The following WAPL variants were observed in gnomAD, a reference collection of about 807,000 sequenced individuals.
The protein encoded by WAPL is wings apart-like protein homolog.
Under a neutral mutation model 121.0 loss-of-function variants are expected in WAPL, and 5 were observed. The ratio of observed to expected loss-of-function variants is 0.04; its 90% CI spans 0.02 to 0.09. WAPL has a LOEUF of 0.09. Among genes scored for constraint, WAPL ranks in the 10% least tolerant of loss-of-function variants. The probability of loss-of-function intolerance (pLI) is 1.00; values close to 1 mark genes in which losing one functional copy is unlikely to be tolerated. For missense variants in WAPL, 999 were observed against 1,410.8 expected, an observed-to-expected ratio of 0.71 and a Z score of 4.68; for synonymous variants, 480 against 481.5, an observed-to-expected ratio of 1.00 and a Z score of 0.04.
At chr10:86,502,543 T>C (rs1842265919) in intron 2 of WAPL, among the ~76,000 whole-genome samples, 1 of 152,198 alleles carries the variant, frequency 6.6e-6, no homozygotes, top group African/African-American at 2.4e-5. Flanking sequence ...TTGTTGAAGA[T>C]TAAACAGTTG....
At chr10:86,502,455 T>A (rs1299138701) in intron 2 of WAPL, among the ~76,000 whole-genome samples, 1 of 152,198 alleles carries the variant, frequency 6.6e-6, no homozygotes, top group Non-Finnish European at 1.5e-5. Context: ...GTTAAAAAAA[T>A]ATATTTATGA....
intron 9 of WAPL, among the ~76,000 whole-genome samples, chr10:86,464,417 A>C (rs540637993): frequency 9.8e-5 from 15 of 152,380 alleles, no homozygotes; most frequent in Middle Eastern, 3.4e-3. Flanking sequence ...TAAATGTTGA[A>C]TATAGAAGAC....
chr10:86,470,313 C>A (rs1460243081), intron 8 of WAPL, among the ~76,000 whole-genome samples: 1 of 152,148 alleles, frequency 6.6e-6, no homozygotes, highest in African/African-American at 2.4e-5. Flanking sequence ...GGATTACAGG[C>A]ATGAGCCACC....
At chr10:86,453,190 C>A in intron 14 of WAPL, 30 bp downstream of exon 14, 1 of 1,577,934 alleles carries the variant, frequency 6.3e-7, no homozygotes, top group East Asian at 2.3e-5. Context: ...AGATATGATA[C>A]TCATTTCTGA....
chr10:86,496,381 G>A (rs568339498), intron 4 of WAPL, among the ~76,000 whole-genome samples: 1 of 152,198 alleles, frequency 6.6e-6, no homozygotes, highest in Admixed American at 6.5e-5. Flanking sequence ...GAACAGTTTG[G>A]CAGTTCCTCA....
chr10:86,462,537 T>C (rs1030477475), intron 9 of WAPL, among the ~76,000 whole-genome samples: 8 of 151,952 alleles, frequency 5.3e-5, no homozygotes, highest in African/African-American at 1.7e-4. Flanking sequence ...CTGGCCAACA[T>C]GGTAAAACCC....
intron 16 of WAPL, among the ~76,000 whole-genome samples, chr10:86,445,492 T>C (rs1284395836): frequency 6.6e-6 from 1 of 151,890 alleles, no homozygotes; most frequent in Non-Finnish European, 1.5e-5. Context: ...AGATACTCAA[T>C]AATGTATGAT....
At chr10:86,493,217 T>C (rs1490246954) in intron 4 of WAPL, among the ~76,000 whole-genome samples, 3 of 152,070 alleles carry the variant, frequency 2.0e-5, no homozygotes, top group South Asian at 2.1e-4. Flanking sequence ...GATTATCAGA[T>C]TATATCAAAG....
chr10:86,497,085 T>C lies in WAPL; in HGVS notation c.1644+116A>G. 10 of 860,594 alleles carry C rather than the reference T, an allele frequency of 1.2e-5. 1 individual carries two copies. The South Asian group carries it at 1.7e-4, about 15-fold the overall frequency. The allele number at this position is 860,594 out of a possible 1,614,324, so 53.3% of individuals were successfully genotyped here. A position where few individuals can be genotyped will look rare whatever the true frequency, so the allele number is the denominator to read the frequency against. ...TATATCTGAAAAAACGACTTACACA[T>C]ATCCTTTGAAAGACAGTTGCTATGA... On this transcript the variant is annotated intron_variant, in intron 4 of 18. Coordinates refer to ENST00000298767, the MANE Select transcript of WAPL (RefSeq NM_015045.5).
chr10:86,505,588 C>A (rs1442107575), intron 2 of WAPL, among the ~76,000 whole-genome samples: 1 of 152,002 alleles, frequency 6.6e-6, no homozygotes, highest in East Asian at 1.9e-4. Flanking sequence ...CGCCCGGTCA[C>A]AGCCCTTAAA....
intron 2 of WAPL, among the ~76,000 whole-genome samples, chr10:86,503,524 G>A (rs1279514388): frequency 2.6e-5 from 4 of 151,982 alleles, no homozygotes; most frequent in East Asian, 1.9e-4. Context: ...AGGCCGAAGC[G>A]GGTGGGTCAT....
chr10:86,450,334 C>A (rs554925970), intron 15 of WAPL, among the ~76,000 whole-genome samples: 10 of 152,272 alleles, frequency 6.6e-5, no homozygotes, highest in Non-Finnish European at 1.2e-4. Flanking sequence ...CTCCTGGGTG[C>A]AAGCAATCCT....
chr10:86,448,075 T>C (rs1849670800), intron 15 of WAPL, among the ~76,000 whole-genome samples: 1 of 152,072 alleles, frequency 6.6e-6, no homozygotes, highest in Admixed American at 6.6e-5. Context: ...AAGAAAAGTA[T>C]GGCCTAAGAT....
chr10:86,506,643 A>G (rs1377375830), intron 2 of WAPL, among the ~76,000 whole-genome samples: 3 of 152,178 alleles, frequency 2.0e-5, no homozygotes, highest in African/African-American at 7.2e-5. Context: ...TTTGAAAATC[A>G]GCCAGGAGTG....
intron 4 of WAPL, among the ~76,000 whole-genome samples, chr10:86,482,837 T>C (rs760931156): frequency 2.0e-5 from 3 of 152,030 alleles, no homozygotes; most frequent in Non-Finnish European, 4.4e-5. Flanking sequence ...GTAGGGGAAA[T>C]GGGATTTTGG....
chr10:86,492,930 G>A (rs759321537), intron 4 of WAPL, among the ~76,000 whole-genome samples: 6 of 151,976 alleles, frequency 3.9e-5, no homozygotes, highest in Admixed American at 6.6e-5. Context: ...GTGTGGTGGT[G>A]GGCGCCTATA....
intron 1 of WAPL, among the ~76,000 whole-genome samples, chr10:86,518,316 T>C (rs1292550028): frequency 6.6e-6 from 1 of 152,188 alleles, no homozygotes; most frequent in Non-Finnish European, 1.5e-5. Flanking sequence ...CCTACGCTAC[T>C]TACAAAGTAA....
chr10:86,514,902 T>C (rs1423535917), intron 2 of WAPL, among the ~76,000 whole-genome samples: 1 of 152,122 alleles, frequency 6.6e-6, no homozygotes, highest in Non-Finnish European at 1.5e-5. Context: ...CTTTCACCAC[T>C]TGCACAGTTT....
intron 2 of WAPL, among the ~76,000 whole-genome samples, chr10:86,514,834 T>G (rs1842525145): frequency 6.6e-6 from 1 of 152,216 alleles, no homozygotes; most frequent in South Asian, 2.1e-4. Flanking sequence ...TGCCTGCCAA[T>G]GATGCCCCAT....
Sources: allele counts gnomAD v4.1 joint callset (sites outside exome capture counted in the v4.1 genomes callset), GRCh38; gene constraint gnomAD v4.1.1; transcripts MANE v1.5; gene names NCBI Gene and HGNC (gene_info 2026-07-23, HGNC 2026-07-21).